THRB: variants seen among roughly 807,000 people sequenced by gnomAD.
The protein encoded by THRB is nuclear receptor subfamily 1 group A member 2.
THRB carries 12 observed loss-of-function variants against 47.8 expected under a neutral mutation model. The observed-to-expected ratio is 0.25, with a 90% CI of 0.16 to 0.41. THRB has a LOEUF of 0.41. Ranked by LOEUF, THRB falls within the 10% of genes least tolerant of loss-of-function variation. The pLI is 1.00. For missense variants in THRB, 348 were observed against 589.2 expected (o/e 0.59, Z 4.24); for synonymous variants, 218 against 212.2 (o/e 1.03, Z -0.24).
chr3:24,294,543 A>G (rs1024936041), intron 3 of THRB, among the ~76,000 whole-genome samples: 3 of 152,194 alleles, frequency 2.0e-5, no homozygotes, highest in Non-Finnish European at 2.9e-5. Flanking sequence ...CCTTCCTGTA[A>G]TGAAGACACA....
rs148470859 is a variant in THRB, at chr3:24,484,556, A to T, written c.-261+10096T>A. ...CTTTTCACTTGTCTATAATGTGGCTACTAGAAGAATTTAAACTACATATAT... is the reference window on the plus strand; with the variant it reads ...CTTTTCACTTGTCTATAATGTGGCTTCTAGAAGAATTTAAACTACATATAT... On this transcript the variant is annotated intron_variant, in intron 1 of 10. Coordinates refer to ENST00000646209, the MANE Select transcript of THRB (RefSeq NM_001354712.2). 4.1e-3 allele frequency among the ~76,000 whole-genome samples: 630 copies of T among 152,304 alleles called. 5 individuals are homozygous for T. The highest frequency in any genetic ancestry group is 0.015 in the African/African-American group (610 of 41,572).
intron 2 of THRB, among the ~76,000 whole-genome samples, chr3:24,319,444 G>A (rs1040856480): frequency 1.3e-5 from 2 of 152,200 alleles, no homozygotes; most frequent in African/African-American, 4.8e-5. Flanking sequence ...CAAATGTTAT[G>A]TTGAGCAAAA....
chr3:24,219,688 C>A (rs921269526), intron 4 of THRB, among the ~76,000 whole-genome samples: 4 of 152,252 alleles, frequency 2.6e-5, no homozygotes, highest in East Asian at 1.9e-4. Context: ...ACTCAGATGG[C>A]CAAACTAACA....
chr3:24,207,020 A>G (rs1325096271), intron 4 of THRB, among the ~76,000 whole-genome samples: 1 of 152,176 alleles, frequency 6.6e-6, no homozygotes, highest in East Asian at 1.9e-4. Flanking sequence ...ACCAACCAAA[A>G]AAAGTCCAGG....
At chr3:24,156,929 C>G (rs1201077341) in intron 5 of THRB, among the ~76,000 whole-genome samples, 1 of 152,122 alleles carries the variant, frequency 6.6e-6, no homozygotes, top group African/African-American at 2.4e-5. Context: ...ATCCTGATTC[C>G]TTTTATATTT....
At position 24,408,143 on chromosome 3, in the gene THRB, AT is replaced by A. The variant is rs569832532; in HGVS notation, c.-260-70773del. Among the ~76,000 whole-genome samples the A allele has an allele frequency of 3.5e-3, 535 of 152,018 alleles. 2 individuals carry two copies. The highest frequency in any genetic ancestry group is 6.8e-3 in the Middle Eastern group (2 of 294). ...ATGAATGATAGACATATTTTGATCT[AT>A]AGGGCAGAAACCATCAAATACCAGC... On this transcript the variant is annotated intron_variant, in intron 1 of 10. Transcript: ENST00000646209.
In THRB at chr3:24,373,844, C is replaced by A. The variant is rs187498636; in HGVS notation, c.-260-36473G>T. 2.5e-3 allele frequency among the ~76,000 whole-genome samples: 382 copies of A among 152,234 alleles called. 13 individuals are homozygous for A. The highest frequency in any genetic ancestry group is 0.023 in the Admixed American group (346 of 15,286). On this transcript the variant is annotated intron_variant, in intron 1 of 10. Coordinates refer to ENST00000646209, the MANE Select transcript of THRB (RefSeq NM_001354712.2). ...CCAATACCAGTGGCCATACTGCAAC[C>A]ATTCATACACTGCTGAGTGTTCAAA... is the stretch of plus-strand genomic sequence containing the variant.
At chr3:24,222,979 T>C (rs2047305261) in intron 4 of THRB, among the ~76,000 whole-genome samples, 1 of 152,220 alleles carries the variant, frequency 6.6e-6, no homozygotes, top group African/African-American at 2.4e-5. Flanking sequence ...AGAATGGCTA[T>C]GCCAGGAGCG....
At chr3:24,327,689 T>C (rs1045155980) in intron 2 of THRB, among the ~76,000 whole-genome samples, 3 of 152,116 alleles carry the variant, frequency 2.0e-5, no homozygotes, top group Non-Finnish European at 4.4e-5. Flanking sequence ...TGTGAAAAGG[T>C]GAAAGATGCT....
intron 5 of THRB, among the ~76,000 whole-genome samples, chr3:24,184,565 C>G (rs949911613): frequency 1.3e-5 from 2 of 152,262 alleles, no homozygotes; most frequent in South Asian, 4.1e-4. Flanking sequence ...TAGCTTTTCT[C>G]CCCCTTGGCT....
intron 1 of THRB, among the ~76,000 whole-genome samples, chr3:24,403,065 C>T (rs1256531692): frequency 3.3e-5 from 5 of 151,936 alleles, no homozygotes; most frequent in African/African-American, 1.2e-4. Context: ...ATTTGTCACA[C>T]AGCAAGAAAA....
chr3:24,162,960 C>T (rs1275295596), intron 5 of THRB, among the ~76,000 whole-genome samples: 1 of 152,068 alleles, frequency 6.6e-6, no homozygotes, highest in East Asian at 1.9e-4. Flanking sequence ...GCTGTAATGA[C>T]AGCCATGAAC....
intron 3 of THRB, among the ~76,000 whole-genome samples, chr3:24,233,613 A>AAGAG (rs1241855239): frequency 7.3e-5 from 10 of 137,306 alleles, no homozygotes; most frequent in Admixed American, 7.2e-5. Context: ...GAAAGAAAGA[A>AAGAG]AGAGAAAGAG....
chr3:24,205,154 A>G (rs1037289789), intron 4 of THRB, among the ~76,000 whole-genome samples: 57 of 152,258 alleles, frequency 3.7e-4, no homozygotes, highest in African/African-American at 1.3e-3. Context: ...GACAGACAAC[A>G]CCACAAAGAT....
chr3:24,346,987 T>G (rs2063060479), intron 1 of THRB, among the ~76,000 whole-genome samples: 1 of 152,074 alleles, frequency 6.6e-6, no homozygotes, highest in East Asian at 1.9e-4. Flanking sequence ...TTACCAAAAT[T>G]TATGTGTTGA....
chr3:24,336,346 A>G (rs1559961344), intron 2 of THRB, among the ~76,000 whole-genome samples: 3 of 152,216 alleles, frequency 2.0e-5, no homozygotes, highest in Admixed American at 1.3e-4. Flanking sequence ...CAAAGACAGC[A>G]TTCAAAAGGC....
intron 4 of THRB, among the ~76,000 whole-genome samples, chr3:24,197,004 A>G (rs1300305569): frequency 5.9e-5 from 9 of 152,166 alleles, no homozygotes; most frequent in Admixed American, 5.9e-4. Flanking sequence ...GCTACCTTCT[A>G]CCTTGTGATA....
chr3:24,415,894 T>C, intron 1 of THRB, among the ~76,000 whole-genome samples: 1 of 151,866 alleles, frequency 6.6e-6, no homozygotes, highest in East Asian at 2.0e-4. Context: ...GTGAACTCTA[T>C]TGGATTTTGT....
chr3:24,150,318 T>C (rs991753299), intron 6 of THRB, among the ~76,000 whole-genome samples: 1 of 152,176 alleles, frequency 6.6e-6, no homozygotes, highest in African/African-American at 2.4e-5. Context: ...TCACCACTCT[T>C]AAAAACCGTG....
Sources: gnomAD v4.1 joint callset for allele counts (sites outside exome capture counted in the v4.1 genomes callset) on GRCh38, gnomAD v4.1.1 for gene constraint, MANE v1.5 for transcripts, NCBI Gene and HGNC (gene_info 2026-07-23, HGNC 2026-07-21) for gene names.